WWOX: variants seen among roughly 807,000 people sequenced by gnomAD.
WWOX encodes the protein WW domain-containing oxidoreductase.
A neutral mutation model predicts 46.2 loss-of-function variants in WWOX; 69 were observed. That is an observed-to-expected ratio of 1.49 (90% CI 1.23 to 1.82). The LOEUF (loss-of-function observed/expected upper bound fraction) is 1.82, where lower values mean the gene tolerates loss of function less well. Ranked by LOEUF, WWOX falls within the 40% of genes most tolerant of loss-of-function variation. The pLI is 0.00. For synonymous variants in WWOX, 359 were observed against 202.6 expected, an observed-to-expected ratio of 1.77 and a Z score of -6.56; for missense variants, 919 against 542.6, an observed-to-expected ratio of 1.69 and a Z score of -6.89.
intron 8 of WWOX, chr16:78,552,649 C>T (rs540946403): frequency 6.6e-6 from 1 of 152,278 alleles, no homozygotes; most frequent in Non-Finnish European, 1.5e-5. Context: ...ATCCCCAGCC[C>T]GAGTAGAAGA....
intron 5 of WWOX, among the ~76,000 whole-genome samples, chr16:78,174,487 T>C (rs1312545955): frequency 6.6e-6 from 1 of 152,170 alleles, no homozygotes. Context: ...ACACAAACAT[T>C]CAATTCACAG....
chr16:78,157,837 T>A (rs2034657616), intron 4 of WWOX, among the ~76,000 whole-genome samples: 1 of 152,220 alleles, frequency 6.6e-6, no homozygotes, highest in Non-Finnish European at 1.5e-5. Flanking sequence ...TTAGTCATAG[T>A]GACTGTGCTG....
chr16:78,705,408 C>G (rs911081663), intron 8 of WWOX, among the ~76,000 whole-genome samples: 1 of 152,114 alleles, frequency 6.6e-6, no homozygotes, highest in African/African-American at 2.4e-5. Flanking sequence ...AAAAACAAGC[C>G]AAGGCGAAAG....
At chr16:78,308,663 G>C (rs1349873669) in intron 5 of WWOX, among the ~76,000 whole-genome samples, 5 of 152,170 alleles carry the variant, frequency 3.3e-5, no homozygotes, top group Non-Finnish European at 7.3e-5. Flanking sequence ...TGATCCAGGA[G>C]AGATTCACTA....
At chr16:78,497,678 T>TCGA in intron 8 of WWOX, among the ~76,000 whole-genome samples, 1 of 152,334 alleles carries the variant, frequency 6.6e-6, no homozygotes, top group East Asian at 1.9e-4. Flanking sequence ...AAATACTTGT[T>TCGA]TGATTAGGTC....
At chr16:78,830,047 C>T in intron 8 of WWOX, among the ~76,000 whole-genome samples, 1 of 151,966 alleles carries the variant, frequency 6.6e-6, no homozygotes. Flanking sequence ...CACTAGAGGT[C>T]AGGAGTTCAA....
chr16:79,034,141 A>T (rs78972416), intron 8 of WWOX, among the ~76,000 whole-genome samples: 2,160 of 152,248 alleles, frequency 0.014, 25 homozygotes, highest in South Asian at 0.052. Flanking sequence ...GACATTTTTT[A>T]TATTAATCTG....
rs973403751 is a variant in WWOX, at chr16:78,394,177, C to A, written c.605+7229C>A. Among the ~76,000 whole-genome samples, 6 of 152,218 alleles carry A rather than the reference C, an allele frequency of 3.9e-5. No individual in the cohort carries two copies. The East Asian group carries it at 1.2e-3, about 29-fold the overall frequency. ...GTTTTAAGAATAATGTTTTAGCCAA[C>A]ATATCTGCATTACTCTTGGCTCAAT... On this transcript the variant is annotated intron_variant, in intron 6 of 8. Coordinates refer to ENST00000566780, the MANE Select transcript of WWOX (RefSeq NM_016373.4).
intron 8 of WWOX, among the ~76,000 whole-genome samples, chr16:78,985,278 T>C (rs2046762554): frequency 6.6e-6 from 1 of 152,192 alleles, no homozygotes; most frequent in Non-Finnish European, 1.5e-5. Context: ...TCTGTCACAG[T>C]GCATTATGTC....
chr16:78,788,648 T>A (rs2142582315), intron 8 of WWOX, among the ~76,000 whole-genome samples: 1 of 152,358 alleles, frequency 6.6e-6, no homozygotes, highest in African/African-American at 2.4e-5. Flanking sequence ...TCCTTAGTAC[T>A]GTCCTTTATA....
chr16:78,550,366 A>G (rs939767168), intron 8 of WWOX, among the ~76,000 whole-genome samples: 3 of 152,224 alleles, frequency 2.0e-5, no homozygotes, highest in East Asian at 3.8e-4. Flanking sequence ...GCTATCATGC[A>G]TTAGTGAAAG....
intron 8 of WWOX, among the ~76,000 whole-genome samples, chr16:79,150,545 T>C (rs2050258911): frequency 6.6e-6 from 1 of 152,184 alleles, no homozygotes; most frequent in South Asian, 2.1e-4. Flanking sequence ...GGGGCAGCCA[T>C]TATTGACGTC....
chr16:79,154,043 C>T (rs190527380), intron 8 of WWOX, among the ~76,000 whole-genome samples: 1 of 152,190 alleles, frequency 6.6e-6, no homozygotes. Flanking sequence ...AAATCCAAAA[C>T]AACTTTGGCT....
chr16:78,421,953 A>C (rs1048405597), intron 6 of WWOX, among the ~76,000 whole-genome samples: 1 of 152,204 alleles, frequency 6.6e-6, no homozygotes, highest in Non-Finnish European at 1.5e-5. Context: ...AGGGTGCAGG[A>C]ATATATATTC....
chr16:79,202,306 T>G (rs990373991), intron 8 of WWOX, among the ~76,000 whole-genome samples: 1 of 152,178 alleles, frequency 6.6e-6, no homozygotes, highest in Non-Finnish European at 1.5e-5. Flanking sequence ...TTGACCTGAC[T>G]CAGTCTCCGT....
At chr16:78,934,717 G>T (rs1032331984) in intron 8 of WWOX, among the ~76,000 whole-genome samples, 1 of 151,974 alleles carries the variant, frequency 6.6e-6, no homozygotes, top group African/African-American at 2.4e-5. Context: ...TTGACAGTGG[G>T]GCCACAGCAG....
intron 8 of WWOX, among the ~76,000 whole-genome samples, chr16:78,859,000 TTAAAAAAAAAAAAAAAA>T (rs1490890921): frequency 1.9e-4 from 15 of 79,868 alleles, no homozygotes; most frequent in South Asian, 5.4e-4. Context: ...GTTTTGAAAT[TTAAAAAAAAAAAAAAAA>T]AAAAAAAAAA....
rs774168661 is a variant in WWOX at position 78,914,684 on chromosome 16, C to G, written c.1057-296924C>G. On this transcript the variant is annotated intron_variant, in intron 8 of 8. Coordinates refer to ENST00000566780, the MANE Select transcript of WWOX (RefSeq NM_016373.4). ...CACGAGGTCAGGAGATCCAGACTAT[C>G]CTGGCTAACACGGTGAAACCCCGTC... 1.1e-4 allele frequency among the ~76,000 whole-genome samples: 17 copies of G among 151,616 alleles called. 1 individual carries two copies. The highest frequency in any genetic ancestry group is 2.4e-4 in the Non-Finnish European group (16 of 67,920).
At chr16:78,898,847 C>G (rs183513800) in intron 8 of WWOX, 1 of 152,206 alleles carries the variant, frequency 6.6e-6, no homozygotes, top group Admixed American at 6.5e-5. Context: ...GTTAAATTAA[C>G]TCTTACACAT....
Sources: allele counts gnomAD v4.1 joint callset (sites outside exome capture counted in the v4.1 genomes callset), GRCh38; gene constraint gnomAD v4.1.1; transcripts MANE v1.5; gene names NCBI Gene and HGNC (gene_info 2026-07-23, HGNC 2026-07-21).